The following UGT1A4 variants were observed in gnomAD, a reference collection of about 807,000 sequenced individuals.
The protein encoded by UGT1A4 is UDP glucuronosyltransferase family 1 member A4, also known as UDP-glucuronosyltransferase 1A4.
UGT1A4 carries 32 observed loss-of-function variants against 41.1 expected under a neutral mutation model. The observed-to-expected ratio is 0.78, with a 90% CI of 0.59 to 1.05. The LOEUF (loss-of-function observed/expected upper bound fraction) is 1.05, where lower values mean the gene tolerates loss of function less well. Ranked by LOEUF, UGT1A4 falls within the 50% of genes least tolerant of loss-of-function variation. The pLI is 0.00. For synonymous variants in UGT1A4, 283 were observed against 265.1 expected (o/e 1.07, Z -0.66); for missense variants, 748 against 677.4 (o/e 1.10, Z -1.16).
At chr2:233,727,543 C>G (rs1033335466) in intron 1 of UGT1A4, among the ~76,000 whole-genome samples, 5 of 152,154 alleles carry the variant, frequency 3.3e-5, no homozygotes, top group Non-Finnish European at 7.3e-5. Flanking sequence ...GTGTTCCACC[C>G]GTCACCTGGG....
chr2:233,766,415 C>T (rs1416459239), intron 1 of UGT1A4, among the ~76,000 whole-genome samples: 1 of 152,164 alleles, frequency 6.6e-6, no homozygotes, highest in Admixed American at 6.5e-5. Context: ...CTGATGTGCT[C>T]CTCCCGATGT....
Position 233,769,603 on chromosome 2 carries a change from G to A in UGT1A4, c.1307+1164G>A. The stretch of plus-strand genomic sequence containing the variant: ...CAGATGAGAGGAGACGGAACACGGG[G>A]ACACACCAGCTTGAGCAAGGGACAA... On this transcript the variant is annotated intron_variant, in intron 4 of 4. Coordinates refer to ENST00000373409, the MANE Select transcript of UGT1A4 (RefSeq NM_007120.3). This position sits in a 1 kb window ranked among gnomAD's most constrained non-coding sequence, Gnocchi z 4.4. The A allele has an allele frequency of 6.2e-7, 1 of 1,612,818 alleles. No homozygotes were observed. The highest frequency in any genetic ancestry group is 8.5e-7 in the Non-Finnish European group (1 of 1,179,870).
chr2:233,755,510 G>C (rs1695945720), intron 1 of UGT1A4: 1 of 163,962 alleles, frequency 6.1e-6, no homozygotes, highest in Non-Finnish European at 1.3e-5. Flanking sequence ...ACCAGGCCCC[G>C]CCCACTCCGG....
chr2:233,719,487 A>G lies in UGT1A4; in HGVS notation c.667A>G (p.Ile223Val), dbSNP rs138822211. The part of the protein sequence containing the change: ...NMLYPLALSY[I>V]CHTFSAPYAS... ...GCTCTACCCTCTGGCCCTGTCCTAC[A>G]TTTGCCATACTTTTTCTGCCCCTTA... Residue 223 changes from isoleucine (I) to valine (V), a missense_variant, in exon 1 of 5, where the codon ATT becomes GTT. Transcript: ENST00000373409. 1.2e-5 allele frequency: 20 copies of G among 1,613,508 alleles called. No individual in the cohort carries two copies. In the African/African-American group the frequency reaches 2.7e-4, roughly 22 times the overall value.
chr2:233,772,485 T>A lies in UGT1A4; in HGVS notation c.1531T>A (p.Cys511Ser). The change falls in exon 5 of 5, where the codon TGT becomes AGT. Residue 511 changes from cysteine (C) to serine (S), a missense_variant. Physicochemically the swap from Cys to Ser is moderately radical, Grantham distance 112 (BLOSUM62 -1). Transcript: ENST00000373409. The stretch of plus-strand genomic sequence containing the variant: ...AGTGGCCTTCATCACCTTTAAATGT[T>A]GTGCTTATGGCTACCGGAAATGCTT... ...LTVAFITFKC[C>S]AYGYRKCLGK... 2 of 1,614,206 alleles carry A rather than the reference T, an allele frequency of 1.2e-6. No individual in the cohort carries two copies. The highest frequency in any genetic ancestry group is 1.7e-6 in the Non-Finnish European group (2 of 1,180,040).
chr2:233,758,620 A>G (rs2125966627), intron 1 of UGT1A4, among the ~76,000 whole-genome samples: 1 of 152,334 alleles, frequency 6.6e-6, no homozygotes, highest in South Asian at 2.1e-4. Context: ...ATGTGCATGC[A>G]AAGTACCTAC....
intron 1 of UGT1A4, among the ~76,000 whole-genome samples, chr2:233,730,806 G>C (rs374048907): frequency 3.3e-5 from 5 of 152,118 alleles, no homozygotes; most frequent in South Asian, 2.1e-4. Flanking sequence ...ATGGACATGC[G>C]TCCAAGAAGG....
At chr2:233,768,516 G>T in intron 4 of UGT1A4, 77 bp downstream of exon 4, 22 of 1,549,322 alleles carry the variant, frequency 1.4e-5, no homozygotes, top group Non-Finnish European at 1.9e-5. Context: ...AAACATTTAC[G>T]TAGCATTTAA....
intron 1 of UGT1A4, among the ~76,000 whole-genome samples, chr2:233,764,685 G>C (rs1320206547): frequency 6.6e-6 from 1 of 152,148 alleles, no homozygotes; most frequent in Non-Finnish European, 1.5e-5. Context: ...AGAACTTGAA[G>C]AGCACTTGGA....
chr2:233,729,782 C>A (rs764191993), intron 1 of UGT1A4: 1 of 1,613,938 alleles, frequency 6.2e-7, no homozygotes, highest in South Asian at 1.1e-5. Flanking sequence ...TACCCTCTGG[C>A]CCTGTCCTAC....
chr2:233,760,984 C>T lies in UGT1A4; in HGVS notation c.868-6050C>T. 6.2e-7 allele frequency: 1 copy of T among 1,614,234 alleles called. No individual in the cohort carries two copies. The highest frequency in any genetic ancestry group is 8.5e-7 in the Non-Finnish European group (1 of 1,180,042). ...CGTGGTTTATTCCCCGTATGCAACC[C>T]TTGCCTCAGAATTCCTTCAGAGAGA... is the stretch of plus-strand genomic sequence containing the variant. On this transcript the variant is annotated intron_variant, in intron 1 of 4. Coordinates refer to ENST00000373409, the MANE Select transcript of UGT1A4 (RefSeq NM_007120.3).
chr2:233,733,391 T>C lies in UGT1A4; in HGVS notation c.867+13704T>C, dbSNP rs547725287. Among the ~76,000 whole-genome samples the C allele has an allele frequency of 1.8e-4, 27 of 152,316 alleles. No homozygotes were observed. In the South Asian group the frequency reaches 5.6e-3, roughly 32 times the overall value. On this transcript the variant is annotated intron_variant, in intron 1 of 4. Coordinates refer to ENST00000373409, the MANE Select transcript of UGT1A4 (RefSeq NM_007120.3). Reference sequence around the variant, plus strand: ...AGGTCATCCTTGTTTTGTGCCAGTTTTCAAAGGGAATGCTTCCAGTTTTCG... The same window carrying C: ...AGGTCATCCTTGTTTTGTGCCAGTTCTCAAAGGGAATGCTTCCAGTTTTCG...
chr2:233,747,871 T>C (rs12466997), intron 1 of UGT1A4: 130,796 of 1,613,384 alleles, frequency 0.081, 8,579 homozygotes, highest in African/African-American at 0.27. Context: ...CCTCTGGCCC[T>C]GTCCTACCTT....
At chr2:233,754,832 T>G (rs773754133) in intron 1 of UGT1A4, 4 of 1,342,732 alleles carry the variant, frequency 3.0e-6, no homozygotes, top group Non-Finnish European at 4.0e-6. Context: ...AAGCTGGAAA[T>G]TCACTGAAGG....
intron 1 of UGT1A4, chr2:233,750,518 C>A (rs560132107): frequency 6.6e-6 from 1 of 152,090 alleles, no homozygotes; most frequent in South Asian, 2.1e-4. Flanking sequence ...ATTGCCAAGA[C>A]AATGGGGAAA....
intron 1 of UGT1A4, among the ~76,000 whole-genome samples, chr2:233,756,791 A>C (rs1696326658): frequency 6.6e-6 from 1 of 152,088 alleles, no homozygotes; most frequent in Non-Finnish European, 1.5e-5. Context: ...ATTGTGGGGC[A>C]ATACACTAGT....
chr2:233,729,160 C>G, intron 1 of UGT1A4: 5 of 1,613,564 alleles, frequency 3.1e-6, no homozygotes, highest in Non-Finnish European at 4.2e-6. Context: ...CCTGCCGTGG[C>G]TGGCCACAGG....
At chr2:233,755,054 C>G (rs748506326) in intron 1 of UGT1A4, 13 of 1,332,706 alleles carry the variant, frequency 9.8e-6, no homozygotes, top group South Asian at 6.9e-5. Context: ...CGCCCTCCGC[C>G]CTCGCCTCGC....
At chr2:233,760,762 A>G in intron 1 of UGT1A4, 9 of 1,614,056 alleles carry the variant, frequency 5.6e-6, no homozygotes, top group Non-Finnish European at 7.6e-6. Flanking sequence ...TTGCAGCCCC[A>G]TCGTGGCCCA....
Sources: allele counts gnomAD v4.1 joint callset (sites outside exome capture counted in the v4.1 genomes callset), GRCh38; gene constraint gnomAD v4.1.1; non-coding constraint Gnocchi (gnomAD v3.1); transcripts MANE v1.5; gene names NCBI Gene and HGNC (gene_info 2026-07-23, HGNC 2026-07-21).